The following ALDH1A2 variants were observed in gnomAD, a reference collection of about 807,000 sequenced individuals.
ALDH1A2 encodes the protein aldehyde dehydrogenase 1 family member A2.
In ALDH1A2, 27 loss-of-function variants were observed where a neutral mutation model predicts 60.3. The ratio of observed to expected loss-of-function variants is 0.45; its 90% confidence interval spans 0.33 to 0.62. ALDH1A2 has a LOEUF of 0.62. ALDH1A2 is among the 20% of genes least tolerant of loss of function. The pLI is 0.02. For synonymous variants in ALDH1A2, 289 were observed against 232.4 expected, an observed-to-expected ratio of 1.24 and a Z score of -2.21; for missense variants, 581 against 643.8, an observed-to-expected ratio of 0.90 and a Z score of 1.06.
At chr15:57,968,840 G>A (rs902713504) in intron 7 of ALDH1A2, among the ~76,000 whole-genome samples, 4 of 152,178 alleles carry the variant, frequency 2.6e-5, no homozygotes, top group African/African-American at 7.2e-5. Context: ...TAGAAATGTC[G>A]GCCAGTGATT....
chr15:58,012,548 T>C (rs1205417589), intron 3 of ALDH1A2, among the ~76,000 whole-genome samples: 1 of 152,196 alleles, frequency 6.6e-6, no homozygotes, highest in African/African-American at 2.4e-5. Context: ...CCCAGTGTCT[T>C]GTGAATCTGC....
Position 57,979,752 on chromosome 15 carries a change from T to G in ALDH1A2, c.798+12953A>C, listed in dbSNP as rs537730422. ...CCTCCTCCTGGTAGTAAGGGGGATA[T>G]TCAGGGACCTCTCCTGGGCCCAGGC... On this transcript the variant is annotated intron_variant, in intron 7 of 12. Coordinates refer to ENST00000249750, the MANE Select transcript of ALDH1A2 (RefSeq NM_003888.4). 3 of 266,220 alleles carry G rather than the reference T, an allele frequency of 1.1e-5. No homozygotes were observed. The South Asian group carries it at 2.2e-4, about 19-fold the overall frequency. The allele number at this position is 266,220 out of a possible 1,614,324, so 16.5% of individuals were successfully genotyped here. A position where few individuals can be genotyped will look rare whatever the true frequency, so the allele number is the denominator to read the frequency against.
At chr15:57,984,631 G>A (rs145408817) in intron 7 of ALDH1A2, among the ~76,000 whole-genome samples, 1 of 152,226 alleles carries the variant, frequency 6.6e-6, no homozygotes, top group Non-Finnish European at 1.5e-5. Flanking sequence ...TTTGTAACTG[G>A]ATTCTTTCAT....
At chr15:58,053,523 GT>G (rs1227100519) in intron 1 of ALDH1A2, among the ~76,000 whole-genome samples, 2 of 152,072 alleles carry the variant, frequency 1.3e-5, no homozygotes, top group Non-Finnish European at 2.9e-5. Flanking sequence ...TGTTTGGTTT[GT>G]TTTTTGGCTA....
intron 8 of ALDH1A2, chr15:57,964,318 C>A (rs562499832): frequency 8.0e-6 from 4 of 502,678 alleles, no homozygotes; most frequent in Non-Finnish European, 1.4e-5. Context: ...TCGTGTATAA[C>A]AGGAGTCTCA....
chr15:58,040,006 A>G (rs957528047), intron 1 of ALDH1A2, among the ~76,000 whole-genome samples: 8 of 151,938 alleles, frequency 5.3e-5, no homozygotes, highest in Non-Finnish European at 1.5e-5. Flanking sequence ...GGGGAAATCA[A>G]CAGTCACGGT....
chr15:58,014,007 G>C lies in ALDH1A2; in HGVS notation c.223-9C>G, dbSNP rs1216523123. 4.3e-6 allele frequency: 7 copies of C among 1,614,118 alleles called. No individual in the cohort carries two copies. Among genetic ancestry groups the C allele is most frequent in the African/African-American group, 1.3e-5 (1 of 75,056 alleles). On this transcript the variant is annotated splice_polypyrimidine_tract_variant and intron_variant, in intron 2 of 12. Transcript: ENST00000249750. ...GCTTTGTCTATATCTGCCTGTTAGAGAGGAAGAGGCACAACTGAAGAAAAA... is the reference window on the plus strand; with the variant it reads ...GCTTTGTCTATATCTGCCTGTTAGACAGGAAGAGGCACAACTGAAGAAAAA...
chr15:57,991,098 A>G (rs915782804), intron 7 of ALDH1A2, among the ~76,000 whole-genome samples: 7 of 152,126 alleles, frequency 4.6e-5, no homozygotes, highest in Admixed American at 1.3e-4. Flanking sequence ...TCTGGTTTCA[A>G]TTTCCTTAAA....
intron 1 of ALDH1A2, among the ~76,000 whole-genome samples, chr15:58,035,731 CTGTT>C (rs1265570970): frequency 1.3e-5 from 2 of 151,608 alleles, no homozygotes; most frequent in Non-Finnish European, 3.0e-5. Flanking sequence ...AGCTATCTTT[CTGTT>C]TTAGTTTAAT....
intron 1 of ALDH1A2, among the ~76,000 whole-genome samples, chr15:58,016,617 T>C (rs1595669132): frequency 1.3e-5 from 2 of 152,242 alleles, no homozygotes; most frequent in Non-Finnish European, 2.9e-5. Context: ...AAATCTAAGA[T>C]GCATTATAGG....
chr15:57,989,722 T>C (rs1017607003), intron 7 of ALDH1A2, among the ~76,000 whole-genome samples: 81 of 152,060 alleles, frequency 5.3e-4, no homozygotes, highest in Non-Finnish European at 1.0e-3. Flanking sequence ...TCAGATGAGT[T>C]GCAAAGGGGT....
intron 7 of ALDH1A2, among the ~76,000 whole-genome samples, chr15:57,975,898 T>C (rs1894238557): frequency 6.6e-6 from 1 of 152,132 alleles, no homozygotes; most frequent in Non-Finnish European, 1.5e-5. Context: ...ATATTCATTG[T>C]GAACTCTACT....
intron 7 of ALDH1A2, among the ~76,000 whole-genome samples, chr15:57,978,126 T>C (rs1426943777): frequency 2.0e-5 from 3 of 152,228 alleles, no homozygotes; most frequent in African/African-American, 4.8e-5. Context: ...TATACAATCA[T>C]GTCATCTGCA....
chr15:58,032,711 A>T (rs1174224629), intron 1 of ALDH1A2, among the ~76,000 whole-genome samples: 1 of 152,012 alleles, frequency 6.6e-6, no homozygotes, highest in Non-Finnish European at 1.5e-5. Flanking sequence ...CAATATATCA[A>T]AGGGATACCT....
intron 1 of ALDH1A2, among the ~76,000 whole-genome samples, chr15:58,020,190 G>A (rs1032238058): frequency 5.9e-5 from 9 of 152,210 alleles, no homozygotes; most frequent in East Asian, 1.9e-4. Context: ...AGTATTCCAC[G>A]GTGTATATGT....
intron 1 of ALDH1A2, among the ~76,000 whole-genome samples, chr15:58,020,245 C>T (rs192735478): frequency 3.9e-5 from 6 of 152,300 alleles, no homozygotes; most frequent in Admixed American, 1.3e-4. Context: ...GTTGATTCCA[C>T]ACCTTTGCTA....
intron 5 of ALDH1A2, 94 bp from the exon 6 acceptor site, chr15:57,993,167 C>A (rs1894951378): frequency 3.4e-6 from 5 of 1,459,390 alleles, no homozygotes; most frequent in African/African-American, 1.4e-5. Context: ...CAAACTAGTC[C>A]TCGACATAAA....
intron 11 of ALDH1A2, 94 bp downstream of exon 11, chr15:57,961,043 G>A (rs1893700492): frequency 3.9e-6 from 6 of 1,537,208 alleles, no homozygotes; most frequent in Non-Finnish European, 5.4e-6. Flanking sequence ...GGTTGCTTTT[G>A]GTATTCCCCA....
intron 1 of ALDH1A2, among the ~76,000 whole-genome samples, chr15:58,040,372 T>C (rs1327388611): frequency 6.6e-6 from 1 of 151,910 alleles, no homozygotes; most frequent in Non-Finnish European, 1.5e-5. Context: ...TGCAGACAGA[T>C]AATCTAGGGA....
Sources: allele counts gnomAD v4.1 joint callset (sites outside exome capture counted in the v4.1 genomes callset), GRCh38; gene constraint gnomAD v4.1.1; transcripts MANE v1.5; gene names NCBI Gene and HGNC (gene_info 2026-07-23, HGNC 2026-07-21).